Variants in PRICKLE2 observed in about 807,000 individuals in gnomAD.
PRICKLE2 encodes the protein prickle planar cell polarity protein 2.
In PRICKLE2, 21 loss-of-function variants were observed where a neutral mutation model predicts 81.4. The observed-to-expected ratio is 0.26, with a 90% confidence interval of 0.18 to 0.37. PRICKLE2 has a LOEUF of 0.37. PRICKLE2 is among the 10% of genes least tolerant of loss of function. The pLI, the probability that PRICKLE2 is intolerant of heterozygous loss-of-function variation, is 1.00. For missense variants in PRICKLE2, 940 were observed against 1,109.0 expected, an observed-to-expected ratio of 0.85 and a Z score of 2.16; for synonymous variants, 456 against 421.5, an observed-to-expected ratio of 1.08 and a Z score of -1.00.
At chr3:64,142,040 A>C (rs558811237) in intron 7 of PRICKLE2, 1 of 703,088 alleles carries the variant, frequency 1.4e-6, no homozygotes, top group East Asian at 1.3e-4. Context: ...GTAAACAGTG[A>C]GGGACAGCAG....
intron 1 of PRICKLE2, chr3:64,200,590 G>A (rs1352526562): frequency 6.6e-6 from 1 of 151,934 alleles, no homozygotes; most frequent in Non-Finnish European, 1.5e-5. Context: ...AAGTAGCTGG[G>A]ACCACACAGG....
chr3:64,171,411 C>T (rs1335204342), intron 2 of PRICKLE2, among the ~76,000 whole-genome samples: 2 of 152,208 alleles, frequency 1.3e-5, no homozygotes, highest in East Asian at 1.9e-4. Context: ...CATGGGTCAG[C>T]CCCAACAGCA....
upstream of PRICKLE2, among the ~76,000 whole-genome samples, chr3:64,230,381 T>A (rs1036240642): frequency 6.6e-6 from 1 of 152,190 alleles, no homozygotes; most frequent in African/African-American, 2.4e-5. Context: ...GTATTAGAGA[T>A]CAAAGTTGCA....
chr3:64,110,353 G>T (rs985938073), intron 7 of PRICKLE2, among the ~76,000 whole-genome samples: 1 of 152,130 alleles, frequency 6.6e-6, no homozygotes, highest in Non-Finnish European at 1.5e-5. Context: ...AGAACCTGGG[G>T]ACCCACTGAG....
intron 5 of PRICKLE2, among the ~76,000 whole-genome samples, chr3:64,155,921 G>T (rs368142291): frequency 3.3e-4 from 51 of 152,292 alleles, no homozygotes; most frequent in Middle Eastern, 6.8e-3. Flanking sequence ...TTTAGTTGAT[G>T]AAAATGGTCT....
chr3:64,155,514 T>A (rs2077620397), intron 5 of PRICKLE2, among the ~76,000 whole-genome samples: 1 of 152,200 alleles, frequency 6.6e-6, no homozygotes, highest in Non-Finnish European at 1.5e-5. Context: ...AATTATCATA[T>A]GACCCAGCAA....
At chr3:64,204,662 T>A (rs1419315061) in intron 1 of PRICKLE2, among the ~76,000 whole-genome samples, 2 of 151,996 alleles carry the variant, frequency 1.3e-5, no homozygotes, top group Non-Finnish European at 2.9e-5. Flanking sequence ...CCCTAAATAG[T>A]AACTCAAAGC....
At chr3:64,252,282 T>A (rs916159465) in intron 2 of PRICKLE2, among the ~76,000 whole-genome samples, 2 of 152,176 alleles carry the variant, frequency 1.3e-5, no homozygotes, top group Non-Finnish European at 2.9e-5. Flanking sequence ...TGCACCCCCA[T>A]AAGGGCTCCT....
chr3:64,102,267 A>C (rs1297344433), intron 7 of PRICKLE2: 2 of 152,216 alleles, frequency 1.3e-5, no homozygotes, highest in Non-Finnish European at 2.9e-5. Flanking sequence ...CTCAGGCTAC[A>C]GACTGGTTAG....
At chr3:64,259,127 C>T (rs1359401158) in intron 2 of PRICKLE2, among the ~76,000 whole-genome samples, 1 of 152,090 alleles carries the variant, frequency 6.6e-6, no homozygotes, top group East Asian at 1.9e-4. Flanking sequence ...CCACAGTATG[C>T]TAATTTTGAA....
At chr3:64,212,575 T>C (rs745791259) in intron 1 of PRICKLE2, among the ~76,000 whole-genome samples, 3 of 152,342 alleles carry the variant, frequency 2.0e-5, no homozygotes, top group South Asian at 2.1e-4. Context: ...GCTAAACTTA[T>C]ACAGACAAGA....
At chr3:64,139,430 C>T (rs1009076659) in intron 7 of PRICKLE2, among the ~76,000 whole-genome samples, 1 of 152,232 alleles carries the variant, frequency 6.6e-6, no homozygotes, top group Non-Finnish European at 1.5e-5. Flanking sequence ...TGCCAATTTC[C>T]TCTCCTAAGT....
intron 2 of PRICKLE2, among the ~76,000 whole-genome samples, chr3:64,188,835 T>C (rs1052986195): frequency 2.0e-5 from 3 of 152,230 alleles, no homozygotes; most frequent in African/African-American, 7.2e-5. Flanking sequence ...ACTGAGACTG[T>C]ACAATCCATG....
chr3:64,166,142 C>T (rs926837835), intron 2 of PRICKLE2, among the ~76,000 whole-genome samples: 2 of 152,094 alleles, frequency 1.3e-5, no homozygotes, highest in Non-Finnish European at 2.9e-5. Flanking sequence ...GTCCTCTTAC[C>T]TCTGCTCTCT....
chr3:64,144,424 G>A (rs1424654542), intron 7 of PRICKLE2, among the ~76,000 whole-genome samples: 1 of 152,208 alleles, frequency 6.6e-6, no homozygotes, highest in Non-Finnish European at 1.5e-5. Context: ...TCAGAACAAT[G>A]TTTGACACAT....
chr3:64,226,519 G>T (rs931786225), upstream of PRICKLE2, among the ~76,000 whole-genome samples: 1 of 152,164 alleles, frequency 6.6e-6, no homozygotes, highest in Non-Finnish European at 1.5e-5. Flanking sequence ...CAGCTCTAAA[G>T]GCTAGGTATA....
chr3:64,108,229 C>A (rs561486475), intron 7 of PRICKLE2, among the ~76,000 whole-genome samples: 3 of 152,172 alleles, frequency 2.0e-5, no homozygotes, highest in African/African-American at 7.2e-5. Flanking sequence ...TAGCATGCTG[C>A]GGCAAGCCTG....
rs184774152 is a variant in PRICKLE2 at position 64,211,645 on chromosome 3, A to T, written c.-40-12678T>A. Among the ~76,000 whole-genome samples the T allele has an allele frequency of 2.2e-3, 330 of 152,350 alleles. 1 individual carries two copies. The highest frequency in any genetic ancestry group is 7.7e-3 in the African/African-American group (319 of 41,578). ...CTAGAAGGGTGTTTGGGAGTTTGTT[A>T]TACTATTCTTGTAACTTTGATCTAA... On this transcript the variant is annotated intron_variant, in intron 1 of 7. Coordinates refer to ENST00000638394, the MANE Select transcript of PRICKLE2 (RefSeq NM_198859.4).
intron 2 of PRICKLE2, among the ~76,000 whole-genome samples, chr3:64,254,830 G>C (rs1021448289): frequency 6.6e-6 from 1 of 152,126 alleles, no homozygotes; most frequent in Admixed American, 6.5e-5. Flanking sequence ...ATGAAGATTT[G>C]AGTCCAACTA....
Sources: gnomAD v4.1 joint callset for allele counts (sites outside exome capture counted in the v4.1 genomes callset) on GRCh38, gnomAD v4.1.1 for gene constraint, MANE v1.5 for transcripts, NCBI Gene and HGNC (gene_info 2026-07-23, HGNC 2026-07-21) for gene names.